COL5A1: variants seen among roughly 807,000 people sequenced by gnomAD.
COL5A1 encodes the protein collagen alpha-1(V) chain.
COL5A1 carries 16 observed loss-of-function variants against 263.7 expected under a neutral mutation model. The observed-to-expected ratio is 0.06, with a 90% CI of 0.04 to 0.09. The LOEUF is 0.09. Ranked by LOEUF, COL5A1 falls within the 10% of genes least tolerant of loss-of-function variation. The pLI is 1.00. For synonymous variants in COL5A1, 1,012 were observed against 1,004.5 expected, an observed-to-expected ratio of 1.01 and a Z score of -0.14; for missense variants, 2,036 against 2,540.5, an observed-to-expected ratio of 0.80 and a Z score of 4.27.
Position 134,823,911 on chromosome 9 carries a change from CAT to C in COL5A1, c.4698+445_4698+446del, listed in dbSNP as rs201596519. On this transcript the variant is annotated intron_variant, in intron 61 of 65. Transcript: ENST00000371817. The stretch of plus-strand genomic sequence containing the variant: ...GGTATGCATGCATATATGTGGGGCA[CAT>C]ATGTGTGTGCATGTGTAGTGTGTGT... Among the ~76,000 whole-genome samples the C allele has an allele frequency of 9.7e-3, 1,475 of 151,888 alleles. 91 individuals carry two copies. The highest frequency in any genetic ancestry group is 0.085 in the Admixed American group (1,299 of 15,270).
rs930021809 is a variant in COL5A1 at position 134,843,917 on chromosome 9, C to A, written c.*1614C>A. ...TCCAGAGCTCGGGGCGGGTGAGGTC[C>A]CCTTTGGGGAACCCTTTCCTGGCCA... On this transcript the variant is annotated 3_prime_UTR_variant, in exon 66 of 66. Transcript: ENST00000371817. 6.6e-6 allele frequency: 1 copy of A among 152,428 alleles called. No homozygotes were observed. The highest frequency in any genetic ancestry group is 1.5e-5 in the Non-Finnish European group (1 of 68,046). 9.4% of individuals were successfully genotyped at this position (152,428 alleles called of 1,614,324 possible). A position where few individuals can be genotyped will look rare whatever the true frequency, so the allele number is the denominator to read the frequency against.
At chr9:134,823,170 A>G (rs1839093090) in intron 60 of COL5A1, 137 bp downstream of exon 60, 1 of 1,153,760 alleles carries the variant, frequency 8.7e-7, no homozygotes, top group African/African-American at 1.5e-5. Flanking sequence ...ATCTTTCTAC[A>G]CTGACCCATG....
In COL5A1 at chr9:134,677,282, G is replaced by T. The variant is rs533662279; in HGVS notation, c.110-13630G>T. ...TCTCAGCTACCAGTCATGGCTTCTCGGGGAAGGCAGGCCCTGGTATTACAC... is the reference window on the plus strand; with the variant it reads ...TCTCAGCTACCAGTCATGGCTTCTCTGGGAAGGCAGGCCCTGGTATTACAC... On this transcript the variant is annotated intron_variant, in intron 1 of 65. Coordinates refer to ENST00000371817, the MANE Select transcript of COL5A1 (RefSeq NM_000093.5). The surrounding 1 kb of genome is among the most constrained non-coding windows in gnomAD (Gnocchi z 4.4). Among the ~76,000 whole-genome samples, 39 of 152,258 alleles carry T rather than the reference G, an allele frequency of 2.6e-4. No individual in the cohort carries two copies. Among genetic ancestry groups the T allele is most frequent in the Middle Eastern group, 3.4e-3 (1 of 294 alleles).
intron 64 of COL5A1, among the ~76,000 whole-genome samples, chr9:134,833,175 G>C (rs992209971): frequency 6.6e-6 from 1 of 152,232 alleles, no homozygotes; most frequent in Non-Finnish European, 1.5e-5. Flanking sequence ...TCCTGCCTAG[G>C]CCAGGAGAGA....
intron 37 of COL5A1, 69 bp downstream of exon 37, chr9:134,798,530 C>G: frequency 1.3e-6 from 2 of 1,483,514 alleles, no homozygotes; most frequent in African/African-American, 2.8e-5. Context: ...GGGCACAGCC[C>G]TCGCTGCCCA....
Position 134,705,782 on chromosome 9 carries a change from A to G in COL5A1, c.654+4449A>G, listed in dbSNP as rs898690478. On this transcript the variant is annotated intron_variant, in intron 4 of 65. Coordinates refer to ENST00000371817, the MANE Select transcript of COL5A1 (RefSeq NM_000093.5). ...GCCCATCGTCCACAGTGGCACTGTC[A>G]TGAGCTGTCCCTTTTCTCAGCTTTT... 4.6e-5 allele frequency among the ~76,000 whole-genome samples: 7 copies of G among 152,168 alleles called. No individual in the cohort carries two copies. In the East Asian group the frequency reaches 5.8e-4, roughly 13 times the overall value.
chr9:134,808,775 ATC>A (rs1360345077), intron 42 of COL5A1, among the ~76,000 whole-genome samples: 1 of 152,210 alleles, frequency 6.6e-6, no homozygotes, highest in Non-Finnish European at 1.5e-5. Flanking sequence ...AATGTAAAGA[ATC>A]AGAAAGCTGG....
chr9:134,801,068 A>C (rs570611998), intron 37 of COL5A1, among the ~76,000 whole-genome samples: 2 of 152,364 alleles, frequency 1.3e-5, no homozygotes, highest in South Asian at 4.1e-4. Context: ...CCTTAAGGTC[A>C]TCTTTCTCCT....
At position 134,727,395 on chromosome 9, in the gene COL5A1, T is replaced by A. The variant is rs1433499760; in HGVS notation, c.784T>A (p.Tyr262Asn). The A allele has an allele frequency of 6.2e-7, 1 of 1,614,054 alleles. No homozygotes were observed. Among genetic ancestry groups the A allele is most frequent in the East Asian group, 2.2e-5 (1 of 44,878 alleles). Residue 262 changes from tyrosine to asparagine, a missense_variant and splice_region_variant, in exon 5 of 66, where the codon TAT (tyrosine) becomes AAT (asparagine). Coordinates refer to ENST00000371817, the MANE Select transcript of COL5A1 (RefSeq NM_000093.5). ...GTCGCAGGACCCCAATCCAGATGAATATGTGAGTTAACTCTGGCTGGGATC... is the reference window on the plus strand; with the variant it reads ...GTCGCAGGACCCCAATCCAGATGAAAATGTGAGTTAACTCTGGCTGGGATC... ...PQSQDPNPDE[Y>N]YTEGDGEGET...
chr9:134,812,271 G>A (rs2132846909), intron 46 of COL5A1, among the ~76,000 whole-genome samples, 178 bp from the exon 47 acceptor site: 1 of 152,266 alleles, frequency 6.6e-6, no homozygotes, highest in Middle Eastern at 3.4e-3. Context: ...ATTTCCTCGG[G>A]CCGATTCTGA....
At chr9:134,840,541 C>T (rs541731117) in intron 65 of COL5A1, among the ~76,000 whole-genome samples, 2 of 152,360 alleles carry the variant, frequency 1.3e-5, no homozygotes, top group East Asian at 1.9e-4. Context: ...ATGTTCGTTA[C>T]GTCACCCCAT....
At chr9:134,649,456 C>T (rs1477268186) in intron 1 of COL5A1, 2 of 469,116 alleles carry the variant, frequency 4.3e-6, no homozygotes, top group Admixed American at 4.8e-5. Flanking sequence ...GATGTCTCTG[C>T]CCATGAAATG....
chr9:134,812,328 G>A, intron 46 of COL5A1, 121 bp from the exon 47 acceptor site: 1 of 1,001,752 alleles, frequency 1.0e-6, no homozygotes, highest in Non-Finnish European at 1.6e-6. Flanking sequence ...GCACAGAGAA[G>A]CACCTTCCCG....
chr9:134,811,554 A>T lies in COL5A1; in HGVS notation c.3645A>T (p.Glu1215Asp). The T allele has an allele frequency of 6.3e-7, 1 of 1,576,958 alleles. No homozygotes were observed. The highest frequency in any genetic ancestry group is 1.4e-5 in the African/African-American group (1 of 74,022). ...QQGLFGQKGDEGPRGFPGPPG... is the reference protein window; with the variant it reads ...QQGLFGQKGDDGPRGFPGPPG... ...GCCTTTTCGGGCAGAAAGGTGATGA[A>T]GGTCCCAGAGGCTTTCCTGGACCCC... Residue 1215 changes from glutamate to aspartate, a missense_variant, in exon 46 of 66, where the codon GAA (glutamate) becomes GAT (aspartate). Glu to Asp is a conservative substitution (Grantham distance 45). Transcript: ENST00000371817.
chr9:134,738,663 TCTGC>T, intron 10 of COL5A1, 79 bp from the exon 11 acceptor site: 1 of 851,698 alleles, frequency 1.2e-6, no homozygotes, highest in East Asian at 3.6e-5. Context: ...CACCCCCACC[TCTGC>T]CTTGGTTGGC....
At chr9:134,831,662 G>A (rs1839633956) in intron 64 of COL5A1, among the ~76,000 whole-genome samples, 1 of 152,192 alleles carries the variant, frequency 6.6e-6, no homozygotes, top group South Asian at 2.1e-4. Context: ...GCTTGGCACT[G>A]CCCTCTCCCC....
In COL5A1 at chr9:134,761,955, C is replaced by A; in HGVS notation, c.1966C>A (p.Pro656Thr). The part of the protein sequence containing the change: ...GDPGPSGPPG[P>T]PGDDGERGDD... ...CCCTGGTCCTTCCGGCCCACCAGGACCTCCGGGAGACGATGGAGAAAGGGT... is the reference window on the plus strand; with the variant it reads ...CCCTGGTCCTTCCGGCCCACCAGGAACTCCGGGAGACGATGGAGAAAGGGT... The change falls in exon 19 of 66, where the codon CCT becomes ACT. Residue 656 changes from proline to threonine, a missense_variant. Transcript: ENST00000371817. The A allele has an allele frequency of 6.2e-7, 1 of 1,613,546 alleles. No homozygotes were observed. The highest frequency in any genetic ancestry group is 8.5e-7 in the Non-Finnish European group (1 of 1,180,020).
Position 134,759,514 on chromosome 9 carries a change from CAT to C in COL5A1, c.1935+1220_1935+1221del, listed in dbSNP as rs748658061. The stretch of plus-strand genomic sequence containing the variant: ...ACACTCATACACACATGCACACACA[CAT>C]ACACACACCACATACACCACACATG... On this transcript the variant is annotated intron_variant, in intron 18 of 65. Transcript: ENST00000371817. Among the ~76,000 whole-genome samples, 265 of 131,676 alleles carry C rather than the reference CAT, an allele frequency of 2.0e-3. 4 individuals carry two copies. The highest frequency in any genetic ancestry group is 3.2e-3 in the Non-Finnish European group (203 of 62,654). 86.4% of individuals were successfully genotyped at this position (131,676 alleles called of 152,430 possible).
chr9:134,711,562 G>T (rs545498837), intron 4 of COL5A1, among the ~76,000 whole-genome samples: 1 of 152,244 alleles, frequency 6.6e-6, no homozygotes, highest in South Asian at 2.1e-4. Context: ...GCCACCGCTT[G>T]TTCAGAAAAC....
Sources: gnomAD v4.1 joint callset for allele counts (sites outside exome capture counted in the v4.1 genomes callset) on GRCh38, gnomAD v4.1.1 for gene constraint, Gnocchi (gnomAD v3.1) non-coding constraint, MANE v1.5 for transcripts, NCBI Gene and HGNC (gene_info 2026-07-23, HGNC 2026-07-21) for gene names.